DRC4: variants seen among roughly 807,000 people sequenced by gnomAD.
DRC4 encodes dynein regulatory complex subunit 4.
the DRC4 span, chr16:90,037,276 G>A: frequency 6.2e-7 from 1 of 1,613,724 alleles, no homozygotes; most frequent in Non-Finnish European, 8.5e-7. Context: ...ACCTGGAGAG[G>A]GAGATGGCAG....
chr16:90,020,453 C>T, the DRC4 span, among the ~76,000 whole-genome samples: 12 of 152,224 alleles, frequency 7.9e-5, no homozygotes, highest in Non-Finnish European at 1.0e-4. Flanking sequence ...CATCAGACAT[C>T]AGACAGAGGG....
At chr16:90,020,028 T>A in the DRC4 span, 1 of 696,596 alleles carries the variant, frequency 1.4e-6, no homozygotes, top group Non-Finnish European at 2.6e-6. Context: ...CTGACCCCCA[T>A]GTCCCTATCG....
At chr16:90,036,405 A>G in the DRC4 span, 2 of 1,608,924 alleles carry the variant, frequency 1.2e-6, no homozygotes, top group African/African-American at 2.7e-5. Context: ...TATGATAAGA[A>G]GATGAAGATG....
the DRC4 span, among the ~76,000 whole-genome samples, chr16:90,032,398 G>A: frequency 6.6e-6 from 1 of 151,248 alleles, no homozygotes; most frequent in Non-Finnish European, 1.5e-5. Context: ...ACGGACAGGT[G>A]AGGAGGTGTG....
At chr16:90,025,649 CAAAAAAAAAAAA>C in the DRC4 span, among the ~76,000 whole-genome samples, 5 of 45,928 alleles carry the variant, frequency 1.1e-4, no homozygotes, top group African/African-American at 2.9e-4. Context: ...GACTCTGTCT[CAAAAAAAAAAAA>C]AAAAAAAAAA....
the DRC4 span, chr16:90,028,963 A>G: frequency 7.7e-7 from 1 of 1,304,382 alleles, no homozygotes; most frequent in South Asian, 1.2e-5. Flanking sequence ...AGTTTAAGCC[A>G]GTGGCTAAGC....
the DRC4 span, among the ~76,000 whole-genome samples, chr16:90,027,192 T>C: frequency 6.6e-6 from 1 of 151,970 alleles, no homozygotes; most frequent in Non-Finnish European, 1.5e-5. Flanking sequence ...TTCAAGCCAT[T>C]CTCCTGCCTC....
the DRC4 span, chr16:90,037,264 C>T: frequency 6.2e-7 from 1 of 1,613,102 alleles, no homozygotes; most frequent in South Asian, 1.1e-5. Flanking sequence ...AGAAGGAGGA[C>T]CACCTGGAGA....
the DRC4 span, among the ~76,000 whole-genome samples, chr16:90,041,681 T>C: frequency 6.6e-6 from 1 of 151,822 alleles, no homozygotes; most frequent in African/African-American, 2.4e-5. Flanking sequence ...GCGGGTGTAA[T>C]CCCAGCTATT....
At chr16:90,042,987 A>G in the DRC4 span, 1 of 569,132 alleles carries the variant, frequency 1.8e-6, no homozygotes. Flanking sequence ...GTGGAATAGG[A>G]ATAGTGACAG....
the DRC4 span, among the ~76,000 whole-genome samples, chr16:90,023,695 A>C: frequency 6.7e-6 from 1 of 149,968 alleles, no homozygotes; most frequent in Admixed American, 6.6e-5. Flanking sequence ...GAAAGAAACT[A>C]CCAAACTAGG....
At chr16:90,030,887 G>A in the DRC4 span, among the ~76,000 whole-genome samples, 250 of 152,258 alleles carry the variant, frequency 1.6e-3, no homozygotes, top group African/African-American at 5.6e-3. Flanking sequence ...CAGAGTGCTG[G>A]GGTTGCAGGC....
At chr16:90,039,224 G>A in the DRC4 span, among the ~76,000 whole-genome samples, 1 of 152,152 alleles carries the variant, frequency 6.6e-6, no homozygotes, top group Non-Finnish European at 1.5e-5. Context: ...CAGCAGAGAC[G>A]TGCCTGGGTT....
the DRC4 span, among the ~76,000 whole-genome samples, chr16:90,034,279 C>G: frequency 2.0e-5 from 3 of 152,304 alleles, no homozygotes; most frequent in Middle Eastern, 3.4e-3. Flanking sequence ...GGTCTTAACC[C>G]AGGTCCTGGA....
the DRC4 span, among the ~76,000 whole-genome samples, chr16:90,032,390 G>A: frequency 1.9e-4 from 29 of 150,478 alleles, no homozygotes; most frequent in Non-Finnish European, 3.2e-4. Flanking sequence ...GTACGGGTAC[G>A]GACAGGTGAG....
chr16:90,040,885 G>A, the DRC4 span, among the ~76,000 whole-genome samples: 3 of 152,136 alleles, frequency 2.0e-5, no homozygotes, highest in Non-Finnish European at 4.4e-5. Context: ...GGCCCAGTGG[G>A]CGGTGGTGCC....
chr16:90,034,575 T>C, the DRC4 span, among the ~76,000 whole-genome samples: 2 of 152,074 alleles, frequency 1.3e-5, no homozygotes, highest in Admixed American at 6.5e-5. Context: ...TGAGCCGAGA[T>C]TGTGCCACTG....
chr16:90,024,335 G>C, the DRC4 span, among the ~76,000 whole-genome samples: 1 of 152,164 alleles, frequency 6.6e-6, no homozygotes, highest in Non-Finnish European at 1.5e-5. Flanking sequence ...GGCCCAGTCA[G>C]ATTAAAATCC....
the DRC4 span, chr16:90,029,361 C>G: frequency 7.7e-7 from 1 of 1,292,682 alleles, no homozygotes. Context: ...TGGGGAGTGC[C>G]TTGTGGGCCT....
Sources: allele counts gnomAD v4.1 joint callset (sites outside exome capture counted in the v4.1 genomes callset), GRCh38; gene constraint gnomAD v4.1.1; transcripts MANE v1.5; gene names NCBI Gene and HGNC (gene_info 2026-07-23, HGNC 2026-07-21).